HPD: variants seen among roughly 807,000 people sequenced by gnomAD.
HPD encodes the protein 4-hydroxyphenylpyruvate dioxygenase, also known as 4-hydroxyphenylpyruvic acid oxidase.
HPD carries 35 observed loss-of-function variants against 56.9 expected under a neutral mutation model. The ratio of observed to expected loss-of-function variants is 0.62; its 90% CI spans 0.47 to 0.82. The LOEUF is 0.82. Among genes scored for constraint, HPD ranks in the 40% least tolerant of loss-of-function variants. The pLI is 0.00. For synonymous variants in HPD, 186 were observed against 200.2 expected (o/e 0.93, Z 0.60); for missense variants, 442 against 506.8 (o/e 0.87, Z 1.23).
chr12:121,878,278 CA>C, the HPD span, among the ~76,000 whole-genome samples: 2 of 152,156 alleles, frequency 1.3e-5, no homozygotes, highest in East Asian at 3.8e-4. Flanking sequence ...TGGAGAAGTG[CA>C]TAAGTGTATA....
intron 12 of HPD, among the ~76,000 whole-genome samples, chr12:121,842,817 G>A (rs578163545): frequency 5.8e-4 from 81 of 139,868 alleles, no homozygotes; most frequent in African/African-American, 2.1e-3. Flanking sequence ...GCGCAATCTC[G>A]GCTCACTGCA....
At chr12:121,868,911 C>T in the HPD span, among the ~76,000 whole-genome samples, 5 of 152,150 alleles carry the variant, frequency 3.3e-5, no homozygotes, top group African/African-American at 1.2e-4. Context: ...GAGGCAGACT[C>T]TCGCCCTATC....
At chr12:121,863,483 G>A (rs921001549), upstream of HPD, 6 of 152,228 alleles carry the variant, frequency 3.9e-5, no homozygotes, top group Non-Finnish European at 7.3e-5. Context: ...TGCAACAATG[G>A]ACTAATAGCC....
the HPD span, among the ~76,000 whole-genome samples, chr12:121,887,758 T>C: frequency 6.6e-6 from 1 of 152,178 alleles, no homozygotes; most frequent in African/African-American, 2.4e-5. Context: ...CCACCCCTTA[T>C]TCCCCATGTG....
intron 7 of HPD, among the ~76,000 whole-genome samples, chr12:121,851,053 G>A (rs1877755985): frequency 6.6e-6 from 1 of 151,886 alleles, no homozygotes; most frequent in African/African-American, 2.4e-5. Context: ...AGTAGAGATG[G>A]GGTTTCTCCA....
rs1448571896 is a variant in HPD, at chr12:121,847,234, A to G, written c.597-20T>C. 4 of 1,613,772 alleles carry G rather than the reference A, an allele frequency of 2.5e-6. No individual in the cohort carries two copies. The East Asian group carries it at 8.9e-5, about 36-fold the overall frequency. On this transcript the variant is annotated intron_variant, in intron 9 of 13. Coordinates refer to ENST00000289004, the MANE Select transcript of HPD (RefSeq NM_002150.3). ...AGGTACCTGTAGGGTGGGCGGTGGA[A>G]CACATATGCTCTGAGCGCCTCCAGG...
upstream of HPD, chr12:121,859,035 G>A: frequency 9.8e-6 from 6 of 613,848 alleles, no homozygotes; most frequent in South Asian, 1.9e-5. Flanking sequence ...GCCCAGAGAG[G>A]GGCAGTGACG....
the HPD span, among the ~76,000 whole-genome samples, chr12:121,870,847 C>T: frequency 6.6e-5 from 10 of 152,010 alleles, no homozygotes; most frequent in East Asian, 1.8e-3. Flanking sequence ...CCGCCCGCCT[C>T]GGTCTCCCAA....
At chr12:121,853,983 C>T (rs897819905) in intron 7 of HPD, among the ~76,000 whole-genome samples, 3 of 151,848 alleles carry the variant, frequency 2.0e-5, no homozygotes, top group Non-Finnish European at 2.9e-5. Context: ...GGCACAGTGG[C>T]CCACGCCTGT....
chr12:121,869,334 G>A, the HPD span, among the ~76,000 whole-genome samples: 1 of 133,310 alleles, frequency 7.5e-6, no homozygotes, highest in Non-Finnish European at 1.6e-5. Flanking sequence ...TGGGTGACAA[G>A]AGTGAAACTT....
At chr12:121,869,947 A>G in the HPD span, among the ~76,000 whole-genome samples, 1 of 151,952 alleles carries the variant, frequency 6.6e-6, no homozygotes, top group Non-Finnish European at 1.5e-5. Flanking sequence ...GATTATTATT[A>G]TTATTATTAT....
chr12:121,866,036 G>A (rs1041022973), upstream of HPD, among the ~76,000 whole-genome samples: 1 of 151,892 alleles, frequency 6.6e-6, no homozygotes, highest in Non-Finnish European at 1.5e-5. Flanking sequence ...CGTGGCTCAC[G>A]CCTGTACTCC....
chr12:121,861,513 ATAAG>A (rs55755069), upstream of HPD, among the ~76,000 whole-genome samples: 4 of 151,938 alleles, frequency 2.6e-5, no homozygotes, highest in African/African-American at 4.8e-5. Flanking sequence ...AAATAAAGAA[ATAAG>A]TAAGTAAGTA....
chr12:121,858,801 G>A lies in HPD; in HGVS notation c.3+20C>T, dbSNP rs1878098892. Reference sequence around the variant, plus strand: ...TTACTGAAGATGTCCCACCCAAGGGGAGATGGCCATGGCACTTACCATGAT... The same window carrying A: ...TTACTGAAGATGTCCCACCCAAGGGAAGATGGCCATGGCACTTACCATGAT... On this transcript the variant is annotated intron_variant, in intron 1 of 13. Coordinates refer to ENST00000289004, the MANE Select transcript of HPD (RefSeq NM_002150.3). 1 of 1,614,020 alleles carries A rather than the reference G, an allele frequency of 6.2e-7. No individual in the cohort carries two copies. Among genetic ancestry groups the A allele is most frequent in the South Asian group, 1.1e-5 (1 of 91,084 alleles).
rs552795842 is a variant in HPD at position 121,850,543 on chromosome 12, G to C, written c.415-753C>G. ...GGCTGGAGTGCATTGGCACGATCTC[G>C]GCTTACTGCAACCTCCATCTCCCGG... is the stretch of plus-strand genomic sequence containing the variant. On this transcript the variant is annotated intron_variant, in intron 7 of 13. Coordinates refer to ENST00000289004, the MANE Select transcript of HPD (RefSeq NM_002150.3). Among the ~76,000 whole-genome samples, 12 of 144,268 alleles carry C rather than the reference G, an allele frequency of 8.3e-5. No homozygotes were observed. In the South Asian group the frequency reaches 2.2e-3, roughly 27 times the overall value. The allele number at this position is 144,268 out of a possible 152,430, so 94.6% of individuals were successfully genotyped here.
At chr12:121,888,581 A>G in the HPD span, 1 of 469,882 alleles carries the variant, frequency 2.1e-6, no homozygotes, top group South Asian at 2.4e-5. Flanking sequence ...CTGGGGCGAG[A>G]TCATCCCCTA....
intron 11 of HPD, 111 bp from the exon 12 acceptor site, chr12:121,843,943 A>G (rs575974219): frequency 8.0e-7 from 1 of 1,250,656 alleles, no homozygotes; most frequent in South Asian, 1.2e-5. Flanking sequence ...GCTCCCCTCA[A>G]CTGCCAGGAT....
At chr12:121,858,940 G>C, upstream of HPD, 1 of 1,234,872 alleles carries the variant, frequency 8.1e-7, no homozygotes, top group Non-Finnish European at 1.2e-6. Flanking sequence ...GGATGGGGTG[G>C]GGAGCTGAGC....
intron 9 of HPD, 32 bp from the exon 10 acceptor site, chr12:121,847,246 T>G (rs1252568181): frequency 6.2e-7 from 1 of 1,611,846 alleles, no homozygotes; most frequent in Non-Finnish European, 8.5e-7. Context: ...ACATATGCTC[T>G]GAGCGCCTCC....
Sources: gnomAD v4.1 joint callset for allele counts (sites outside exome capture counted in the v4.1 genomes callset) on GRCh38, gnomAD v4.1.1 for gene constraint, MANE v1.5 for transcripts, NCBI Gene and HGNC (gene_info 2026-07-23, HGNC 2026-07-21) for gene names.